Variants in SLC25A48 observed in about 807,000 individuals in gnomAD.
SLC25A48 encodes solute carrier family 25 member 48, also known as CTC-321K16.1.
Under a neutral mutation model 32.2 loss-of-function variants are expected in SLC25A48, and 29 were observed. The ratio of observed to expected loss-of-function variants is 0.90; its 90% CI spans 0.67 to 1.23. The LOEUF (loss-of-function observed/expected upper bound fraction) is 1.23. SLC25A48 is among the 50% of genes most tolerant of loss of function. The pLI is 0.00. For missense variants in SLC25A48, 399 were observed against 422.7 expected, an observed-to-expected ratio of 0.94 and a Z score of 0.49; for synonymous variants, 164 against 172.3, an observed-to-expected ratio of 0.95 and a Z score of 0.38.
At chr5:135,627,968 A>G (rs1470799090) in intron 1 of SLC25A48, among the ~76,000 whole-genome samples, 1 of 152,000 alleles carries the variant, frequency 6.6e-6, no homozygotes, top group African/African-American at 2.4e-5. Flanking sequence ...CCCACCATGA[A>G]CCCCCTGCAC....
At chr5:135,691,237 A>G (rs1416127554) in intron 3 of SLC25A48, among the ~76,000 whole-genome samples, 1 of 152,214 alleles carries the variant, frequency 6.6e-6, no homozygotes, top group Non-Finnish European at 1.5e-5. Context: ...AGTGGAAACA[A>G]GAGTCATAAA....
chr5:135,779,740 G>C (rs1265148157), intron 3 of SLC25A48, among the ~76,000 whole-genome samples: 2 of 117,254 alleles, frequency 1.7e-5, no homozygotes, highest in African/African-American at 2.6e-5. Context: ...CAATATCTCA[G>C]GGGTTCTACA....
At chr5:135,733,599 C>T (rs1001778273) in intron 3 of SLC25A48, among the ~76,000 whole-genome samples, 66 of 152,244 alleles carry the variant, frequency 4.3e-4, no homozygotes, top group African/African-American at 1.3e-3. Context: ...ATTAAGGCAG[C>T]GGCAGCCGCC....
rs960263562 is a variant in SLC25A48, at chr5:135,656,639, C to A, written c.-521+21683C>A. ...ACCTTATTTGGAAATGGGGTAATTG[C>A]AAATGTAATTAGTTAAATTAAGATG... On this transcript the variant is annotated intron_variant, in intron 3 of 10. Transcript: ENST00000646290. Among the ~76,000 whole-genome samples the A allele has an allele frequency of 2.0e-5, 3 of 152,142 alleles. No individual in the cohort carries two copies. In the South Asian group the frequency reaches 6.2e-4, roughly 32 times the overall value.
intron 3 of SLC25A48, among the ~76,000 whole-genome samples, chr5:135,704,990 A>G (rs1022048247): frequency 1.3e-5 from 2 of 152,226 alleles, no homozygotes; most frequent in African/African-American, 4.8e-5. Context: ...ATATGTGGGC[A>G]TGGTCAGGAT....
chr5:135,648,211 T>C (rs1753017847), intron 3 of SLC25A48, among the ~76,000 whole-genome samples: 1 of 152,180 alleles, frequency 6.6e-6, no homozygotes, highest in Non-Finnish European at 1.5e-5. Flanking sequence ...GGGCTGCCTC[T>C]GGGGTCTGGC....
intron 3 of SLC25A48, among the ~76,000 whole-genome samples, chr5:135,723,380 T>TCACACA (rs138387748): frequency 0.028 from 3,131 of 111,690 alleles, 62 homozygotes; most frequent in Non-Finnish European, 0.041. Flanking sequence ...TCTCTCTCTC[T>TCACACA]CACACACACA....
chr5:135,885,971 GGGC>G (rs1256001698), intron 7 of SLC25A48, among the ~76,000 whole-genome samples: 2 of 151,974 alleles, frequency 1.3e-5, no homozygotes, highest in Non-Finnish European at 2.9e-5. Context: ...GTAATTATAT[GGGC>G]ATTGAAAAAC....
At chr5:135,602,057 A>G (rs1751809617) in intron 1 of SLC25A48, among the ~76,000 whole-genome samples, 1 of 152,230 alleles carries the variant, frequency 6.6e-6, no homozygotes, top group South Asian at 2.1e-4. Flanking sequence ...CTAGACATTT[A>G]TCCAGAAACT....
intron 1 of SLC25A48, 117 bp from the exon 2 acceptor site, chr5:135,842,299 C>A: frequency 9.5e-7 from 1 of 1,052,396 alleles, no homozygotes; most frequent in Non-Finnish European, 1.5e-6. Flanking sequence ...CCACCCACTC[C>A]CCCTACCCCA....
chr5:135,594,203 C>T (rs552557431), intron 1 of SLC25A48, among the ~76,000 whole-genome samples: 1 of 152,194 alleles, frequency 6.6e-6, no homozygotes, highest in Non-Finnish European at 1.5e-5. Context: ...AAAATCAGCT[C>T]TTTTAAAGCT....
chr5:135,801,292 A>G (rs1258691031), intron 3 of SLC25A48, among the ~76,000 whole-genome samples: 1 of 150,210 alleles, frequency 6.7e-6, no homozygotes, highest in Non-Finnish European at 1.5e-5. Context: ...TATTACTTCC[A>G]ATATCGCAGG....
At chr5:135,796,458 C>T (rs61428275) in intron 3 of SLC25A48, among the ~76,000 whole-genome samples, 7,203 of 151,652 alleles carry the variant, frequency 0.047, 349 homozygotes, top group African/African-American at 0.13. Context: ...GATATTACTC[C>T]CCATATCCCA....
At chr5:135,744,588 C>T (rs572752857) in intron 3 of SLC25A48, among the ~76,000 whole-genome samples, 12 of 151,998 alleles carry the variant, frequency 7.9e-5, no homozygotes, top group East Asian at 5.9e-4. Context: ...CCACCTGCCT[C>T]GGCCTCCTAA....
chr5:135,678,713 TG>T (rs2126948091), intron 3 of SLC25A48, among the ~76,000 whole-genome samples: 1 of 152,350 alleles, frequency 6.6e-6, no homozygotes, highest in Non-Finnish European at 1.5e-5. Flanking sequence ...GTAGTATCCA[TG>T]GTGCTGGTTG....
intron 1 of SLC25A48, 56 bp downstream of exon 1, chr5:135,834,949 C>A: frequency 6.4e-7 from 1 of 1,557,778 alleles, no homozygotes; most frequent in Non-Finnish European, 8.7e-7. Context: ...GCGGAGTTTG[C>A]CTCTATGCTC....
At chr5:135,590,865 C>T (rs1305944331) in intron 1 of SLC25A48, among the ~76,000 whole-genome samples, 1 of 152,266 alleles carries the variant, frequency 6.6e-6, no homozygotes, top group Admixed American at 6.5e-5. Context: ...GACAACATCT[C>T]TTTGAGTTCT....
At chr5:135,766,816 G>A (rs556274466) in intron 3 of SLC25A48, among the ~76,000 whole-genome samples, 2 of 151,684 alleles carry the variant, frequency 1.3e-5, no homozygotes, top group South Asian at 2.1e-4. Flanking sequence ...CCATACTGCC[G>A]AAAGTGTACA....
chr5:135,793,315 G>A (rs184096859), intron 3 of SLC25A48, among the ~76,000 whole-genome samples: 1 of 149,432 alleles, frequency 6.7e-6, no homozygotes, highest in African/African-American at 2.5e-5. Context: ...ATATCCTTGA[G>A]AGATGATACC....
Sources: gnomAD v4.1 joint callset for allele counts (sites outside exome capture counted in the v4.1 genomes callset) on GRCh38, gnomAD v4.1.1 for gene constraint, MANE v1.5 for transcripts, NCBI Gene and HGNC (gene_info 2026-07-23, HGNC 2026-07-21) for gene names.